PCDHA2: variants seen among roughly 807,000 people sequenced by gnomAD.
PCDHA2 encodes the protein protocadherin alpha-2.
Under a neutral mutation model 66.0 loss-of-function variants are expected in PCDHA2, and 58 were observed. The ratio of observed to expected loss-of-function variants is 0.88; its 90% confidence interval spans 0.71 to 1.09. The LOEUF (loss-of-function observed/expected upper bound fraction) is 1.09. PCDHA2 is among the 50% of genes least tolerant of loss of function. PCDHA2 has a pLI of 0.00. For synonymous variants in PCDHA2, 634 were observed against 554.0 expected, an observed-to-expected ratio of 1.14 and a Z score of -2.03; for missense variants, 1,267 against 1,242.3, an observed-to-expected ratio of 1.02 and a Z score of -0.30.
chr5:140,827,875 C>A (rs538155297), intron 1 of PCDHA2: 1 of 643,830 alleles, frequency 1.6e-6, no homozygotes, highest in South Asian at 2.0e-5. Context: ...AGCACTGTTA[C>A]GTGAATTGAT....
chr5:140,805,877 A>G (rs1763644184), intron 1 of PCDHA2, among the ~76,000 whole-genome samples: 1 of 152,196 alleles, frequency 6.6e-6, no homozygotes, highest in Non-Finnish European at 1.5e-5. Context: ...TTTATTAGGC[A>G]ATGGAAGGAA....
At chr5:140,835,552 C>G (rs550090383) in intron 1 of PCDHA2, 1 of 1,613,824 alleles carries the variant, frequency 6.2e-7, no homozygotes. Flanking sequence ...TGCTCCCTGA[C>G]GCCCCGCGTT....
chr5:140,870,420 G>C lies in PCDHA2; in HGVS notation c.2388+73068G>C, dbSNP rs371557347. 1.3e-4 allele frequency: 208 copies of C among 1,614,234 alleles called. No homozygotes were observed. The highest frequency in any genetic ancestry group is 1.7e-4 in the Non-Finnish European group (202 of 1,180,052). Reference sequence around the variant, plus strand: ...CGCCTTCTCTGTGGGCCACGGCCAGGGTATCCGTGGAGGTGGCCGACGTGA... The same window carrying C: ...CGCCTTCTCTGTGGGCCACGGCCAGCGTATCCGTGGAGGTGGCCGACGTGA... On this transcript the variant is annotated intron_variant, in intron 1 of 3. Transcript: ENST00000526136.
chr5:140,890,724 CT>C (rs2062771629), intron 1 of PCDHA2, among the ~76,000 whole-genome samples: 2 of 152,108 alleles, frequency 1.3e-5, no homozygotes, highest in African/African-American at 2.4e-5. Context: ...TTTTTAATCC[CT>C]TTTGACTTAT....
chr5:141,000,972 CT>C (rs2097980392), intron 3 of PCDHA2, among the ~76,000 whole-genome samples: 1 of 151,780 alleles, frequency 6.6e-6, no homozygotes, highest in Non-Finnish European at 1.5e-5. Context: ...CTTCATATTC[CT>C]TTTTTATAAA....
intron 1 of PCDHA2, chr5:140,850,383 G>A (rs2150481860): frequency 2.5e-6 from 4 of 1,597,842 alleles, no homozygotes; most frequent in South Asian, 1.1e-5. Context: ...GTACACGGGC[G>A]AGATCAGCAC....
At position 140,968,564 on chromosome 5, in the gene PCDHA2, G is replaced by A. The variant is rs565573880; in HGVS notation, c.2389-10385G>A. ...CGAGATGGTGCCTCGAACTGCCCCT[G>A]CTGGCTACCTGGTCACCAAAGTCAT... On this transcript the variant is annotated intron_variant, in intron 1 of 3. Coordinates refer to ENST00000526136, the MANE Select transcript of PCDHA2 (RefSeq NM_018905.3). 3.1e-6 allele frequency: 5 copies of A among 1,614,168 alleles called. No homozygotes were observed. The Admixed American group carries it at 8.3e-5, about 27-fold the overall frequency.
Position 140,849,712 on chromosome 5 carries a change from C to T in PCDHA2, c.2388+52360C>T, listed in dbSNP as rs2150446144. 1.9e-6 allele frequency: 3 copies of T among 1,598,618 alleles called. No individual in the cohort carries two copies. On this transcript the variant is annotated intron_variant, in intron 1 of 3. Transcript: ENST00000526136. ...GTGTCCACCTACAAGAATTACTACT[C>T]GTTGGTGCTGGACAGAGCTCTGGAC... is the stretch of plus-strand genomic sequence containing the variant.
At chr5:140,935,291 C>T (rs1221872941) in intron 1 of PCDHA2, among the ~76,000 whole-genome samples, 4 of 152,100 alleles carry the variant, frequency 2.6e-5, no homozygotes, top group East Asian at 1.9e-4. Context: ...TTCAGCACTC[C>T]GAGGTTTTTA....
At chr5:140,976,148 C>T (rs1563445972) in intron 1 of PCDHA2, among the ~76,000 whole-genome samples, 1 of 152,160 alleles carries the variant, frequency 6.6e-6, no homozygotes, top group Non-Finnish European at 1.5e-5. Flanking sequence ...AACTCATGTA[C>T]ATTTTACTAC....
At chr5:140,988,226 G>C (rs1375369387) in intron 3 of PCDHA2, among the ~76,000 whole-genome samples, 2 of 152,154 alleles carry the variant, frequency 1.3e-5, no homozygotes, top group Non-Finnish European at 2.9e-5. Context: ...TGAGATCAGG[G>C]ATCTATGTGA....
chr5:140,899,402 G>A lies in PCDHA2; in HGVS notation c.2389-79547G>A, dbSNP rs1465071147. On this transcript the variant is annotated intron_variant, in intron 1 of 3. Transcript: ENST00000526136. ...TTTATTGAGAGTTTTTAGCATGAAG[G>A]GTTGTTGAATTTTGTCAAAGGTCTT... Among the ~76,000 whole-genome samples, 5 of 152,122 alleles carry A rather than the reference G, an allele frequency of 3.3e-5. No individual in the cohort carries two copies. The East Asian group carries it at 7.7e-4, about 24-fold the overall frequency.
chr5:140,862,825 C>G (rs782012901), intron 1 of PCDHA2: 2 of 572,056 alleles, frequency 3.5e-6, no homozygotes, highest in South Asian at 2.7e-5. Flanking sequence ...GGTGAGAGCG[C>G]GCGACGCGGG....
chr5:140,870,825 C>G (rs1554164734), intron 1 of PCDHA2: 1 of 1,613,726 alleles, frequency 6.2e-7, no homozygotes. Flanking sequence ...GCGCGGGAGG[C>G]GCAGTTAACA....
At chr5:140,871,277 C>T (rs1187011496) in intron 1 of PCDHA2, 15 of 1,613,782 alleles carry the variant, frequency 9.3e-6, no homozygotes, top group Admixed American at 6.7e-5. Flanking sequence ...TGGTCGGCAA[C>T]GCCCACTGAG....
chr5:141,003,574 A>G (rs559561339), intron 3 of PCDHA2, among the ~76,000 whole-genome samples: 22 of 151,680 alleles, frequency 1.5e-4, no homozygotes, highest in Admixed American at 3.9e-4. Context: ...CAGACTCCCA[A>G]AGTGCTGGGA....
chr5:140,862,447 G>C, intron 1 of PCDHA2: 1 of 362,296 alleles, frequency 2.8e-6, no homozygotes, highest in Non-Finnish European at 5.5e-6. Flanking sequence ...GTACTCCACA[G>C]CGCCCTGGAC....
intron 1 of PCDHA2, among the ~76,000 whole-genome samples, chr5:140,926,209 T>C (rs553307318): frequency 1.8e-3 from 269 of 152,150 alleles, no homozygotes; most frequent in African/African-American, 6.3e-3. Flanking sequence ...GGGGGGCTCC[T>C]GTTTCCTTAA....
intron 1 of PCDHA2, among the ~76,000 whole-genome samples, chr5:140,905,695 C>T (rs1350689939): frequency 6.6e-6 from 1 of 152,134 alleles, no homozygotes; most frequent in African/African-American, 2.4e-5. Context: ...TTGTTTGTGT[C>T]ATTTATGATT....
Sources: allele counts gnomAD v4.1 joint callset (sites outside exome capture counted in the v4.1 genomes callset), GRCh38; gene constraint gnomAD v4.1.1; transcripts MANE v1.5; gene names NCBI Gene and HGNC (gene_info 2026-07-23, HGNC 2026-07-21).